SACS: variants seen among roughly 807,000 people sequenced by gnomAD.
The protein encoded by SACS is sacsin molecular chaperone.
A neutral mutation model predicts 348.0 loss-of-function variants in SACS; 197 were observed. The observed-to-expected ratio is 0.57, with a 90% CI of 0.50 to 0.64. The LOEUF (loss-of-function observed/expected upper bound fraction) is 0.64, where lower values mean the gene tolerates loss of function less well. Among genes scored for constraint, SACS ranks in the 30% least tolerant of loss-of-function variants. The probability of loss-of-function intolerance (pLI) is 0.00; values close to 1 mark genes in which losing one functional copy is unlikely to be tolerated. For synonymous variants in SACS, 1,985 were observed against 1,910.6 expected, an observed-to-expected ratio of 1.04 and a Z score of -1.02; for missense variants, 4,999 against 5,360.8, an observed-to-expected ratio of 0.93 and a Z score of 2.11.
chr13:23,401,719 T>C (rs1837713165), intron 2 of SACS, among the ~76,000 whole-genome samples: 1 of 152,254 alleles, frequency 6.6e-6, no homozygotes, highest in African/African-American at 2.4e-5. Context: ...TTTGTTTTAC[T>C]TTCTACTGTG....
intron 1 of SACS, among the ~76,000 whole-genome samples, chr13:23,416,168 G>A (rs551531337): frequency 1.3e-5 from 2 of 152,164 alleles, no homozygotes; most frequent in East Asian, 3.9e-4. Flanking sequence ...TGTAATCCCA[G>A]CTACTTGGGA....
At chr13:23,351,332 T>A (rs1183552252) in intron 9 of SACS, among the ~76,000 whole-genome samples, 2 of 152,212 alleles carry the variant, frequency 1.3e-5, no homozygotes, top group East Asian at 3.8e-4. Flanking sequence ...TTTGGCTGTG[T>A]CCCCACCCAA....
At position 23,399,168 on chromosome 13, in the gene SACS, G is replaced by A. The variant is rs1354770169; in HGVS notation, c.20+12052C>T. ...AAACGGCATCAGCCTGATGGCTAAG[G>A]TCAGCATGACCATAAACCACAAATA... On this transcript the variant is annotated intron_variant, in intron 2 of 9. Coordinates refer to ENST00000382292, the MANE Select transcript of SACS (RefSeq NM_014363.6). 2.6e-5 allele frequency among the ~76,000 whole-genome samples: 4 copies of A among 152,180 alleles called. 1 individual carries two copies. Among genetic ancestry groups the A allele is most frequent in the Admixed American group, 2.6e-4 (4 of 15,292 alleles).
Position 23,329,919 on chromosome 13 carries a change from T to C in SACS, c.*217A>G, listed in dbSNP as rs1883358688. 1.7e-6 allele frequency: 1 copy of C among 573,914 alleles called. No individual in the cohort carries two copies. The highest frequency in any genetic ancestry group is 3.1e-6 in the Non-Finnish European group (1 of 323,472). 35.6% of individuals were successfully genotyped at this position (573,914 alleles called of 1,614,324 possible). ...CCAATCATTCAAATCCATCCAGCTA[T>C]TTTGCAGCTCACCACCATCTTCAAA... On this transcript the variant is annotated 3_prime_UTR_variant, in exon 10 of 10. Transcript: ENST00000382292.
chr13:23,362,245 T>G (rs1870783274), intron 6 of SACS, among the ~76,000 whole-genome samples: 1 of 152,192 alleles, frequency 6.6e-6, no homozygotes, highest in Non-Finnish European at 1.5e-5. Context: ...CCGTGCTTCC[T>G]TCCCCTGTGT....
chr13:23,393,333 G>A (rs2137903350), intron 2 of SACS, among the ~76,000 whole-genome samples: 1 of 152,318 alleles, frequency 6.6e-6, no homozygotes, highest in African/African-American at 2.4e-5. Context: ...ATGAACTCCT[G>A]AAACCTAGGA....
rs1327555974 is a variant in SACS, at chr13:23,335,036, G to A, written c.8840C>T (p.Thr2947Ile). Residue 2947 changes from threonine to isoleucine, a missense_variant, in exon 10 of 10, where the codon ACC becomes ATC. Physicochemically the swap from Thr to Ile is moderately conservative, Grantham distance 89. Transcript: ENST00000382292. The surrounding 1 kb of genome is among the most constrained non-coding windows in gnomAD (Gnocchi z 4.7). ...SDPTLSVLQNTPIHVVKDTLK... is the reference protein window; with the variant it reads ...SDPTLSVLQNIPIHVVKDTLK... ...AGTGTCCTTTACAACATGAATAGGG[G>A]TGTTCTGTAACACTGATAATGTTGG... The A allele has an allele frequency of 1.2e-6, 2 of 1,613,240 alleles. No homozygotes were observed. Among genetic ancestry groups the A allele is most frequent in the Non-Finnish European group, 8.5e-7 (1 of 1,179,482 alleles).
Position 23,338,830 on chromosome 13 carries a change from C to T in SACS, c.5046G>A (p.Arg1682=). The change falls in exon 10 of 10, where the codon AGG becomes AGA. Residue 1682 remains arginine, a synonymous_variant. Coordinates refer to ENST00000382292, the MANE Select transcript of SACS (RefSeq NM_014363.6). ...LVDEFSLCGH[R]LIIFTQSVKS... ...TTACACTCTGAGTGAAAATGATAAG[C>T]CTGTGTCCACAGAGACTAAATTCAT... 4 of 1,612,892 alleles carry T rather than the reference C, an allele frequency of 2.5e-6. No individual in the cohort carries two copies. Among genetic ancestry groups the T allele is most frequent in the Non-Finnish European group, 3.4e-6 (4 of 1,179,912 alleles).
chr13:23,410,685 CTT>C lies in SACS; in HGVS notation c.20+533_20+534del, dbSNP rs145584217. Among the ~76,000 whole-genome samples the C allele has an allele frequency of 2.0e-5, 3 of 150,982 alleles. 1 individual carries two copies. Among genetic ancestry groups the C allele is most frequent in the African/African-American group, 7.3e-5 (3 of 41,148 alleles). The stretch of plus-strand genomic sequence containing the variant: ...AGGAATAATTATATAAATATACATA[CTT>C]TTTTTTTGCACAAATCCTCAAGCTT... On this transcript the variant is annotated intron_variant, in intron 2 of 9. Coordinates refer to ENST00000382292, the MANE Select transcript of SACS (RefSeq NM_014363.6).
At chr13:23,386,771 T>A (rs147965409) in intron 2 of SACS, among the ~76,000 whole-genome samples, 1 of 152,190 alleles carries the variant, frequency 6.6e-6, no homozygotes, top group Admixed American at 6.5e-5. Flanking sequence ...GACTTGCAAC[T>A]CTTCCTTTCA....
Position 23,335,372 on chromosome 13 carries a change from C to T in SACS, c.8504G>A (p.Ser2835Asn), listed in dbSNP as rs1382975968. ...GFSSMEKVSK[S>N]VISAHKNQDI... ...TTGGTTCTTGTGAGCTGATATGACACTTTTAGATACTTTCTCCATACTTGA... is the reference window on the plus strand; with the variant it reads ...TTGGTTCTTGTGAGCTGATATGACATTTTTAGATACTTTCTCCATACTTGA... The change falls in exon 10 of 10, where the codon AGT (serine) becomes AAT (asparagine). Residue 2835 changes from serine (S) to asparagine (N), a missense_variant. Around this residue, in one of 6 missense-constraint regions of SACS, gnomAD observed 3,156 missense variants for 3,380.1 expected, o/e 0.93. Transcript: ENST00000382292. This position sits in a 1 kb window ranked among gnomAD's most constrained non-coding sequence, Gnocchi z 4.7. 1.2e-6 allele frequency: 2 copies of T among 1,613,774 alleles called. No homozygotes were observed. The highest frequency in any genetic ancestry group is 2.7e-5 in the African/African-American group (2 of 74,914).
chr13:23,336,271 G>A lies in SACS; in HGVS notation c.7605C>T (p.Ile2535=). ...CCTTTTCAGAAGGATATGCATTAAGGATGCTCTTAATTCTGCTGGTCAATT... is the reference window on the plus strand; with the variant it reads ...CCTTTTCAGAAGGATATGCATTAAGAATGCTCTTAATTCTGCTGGTCAATT... ...KEKLTSRIKS[I]LNAYPSEKEM... The change falls in exon 10 of 10, where the codon ATC becomes ATT. Residue 2535 remains isoleucine, a synonymous_variant. Transcript: ENST00000382292. 1 of 1,614,066 alleles carries A rather than the reference G, an allele frequency of 6.2e-7. No homozygotes were observed. The highest frequency in any genetic ancestry group is 2.2e-5 in the East Asian group (1 of 44,884).
At chr13:23,421,970 T>G (rs1390455899) in intron 1 of SACS, among the ~76,000 whole-genome samples, 1 of 152,094 alleles carries the variant, frequency 6.6e-6, no homozygotes, top group South Asian at 2.1e-4. Context: ...ATGCCTGATA[T>G]CCATCTGGGG....
At chr13:23,388,437 T>TAC (rs71100175) in intron 2 of SACS, among the ~76,000 whole-genome samples, 2 of 146,100 alleles carry the variant, frequency 1.4e-5, no homozygotes, top group African/African-American at 5.0e-5. Context: ...TATATATATA[T>TAC]GGTACATATA....
Position 23,332,148 on chromosome 13 carries a change from G to C in SACS, c.11728C>G (p.Pro3910Ala). 1 of 1,613,940 alleles carries C rather than the reference G, an allele frequency of 6.2e-7. No homozygotes were observed. Among genetic ancestry groups the C allele is most frequent in the Non-Finnish European group, 8.5e-7 (1 of 1,179,934 alleles). The part of the protein sequence containing the change: ...ENVRDLALYL[P>A]SQDGRLVKSS... ...TTTACCAATCTACCATCCTGGCTTG[G>C]GAGGTAAAGCGCAAGGTCTCGTACA... Residue 3910 changes from proline (P) to alanine (A), a missense_variant, in exon 10 of 10, where the codon CCA (proline) becomes GCA (alanine). By Grantham distance (27) the Pro-to-Ala change is conservative. This residue lies in a region of SACS where 831 missense variants were observed against 941.8 expected (regional missense o/e 0.88). Coordinates refer to ENST00000382292, the MANE Select transcript of SACS (RefSeq NM_014363.6).
Position 23,333,996 on chromosome 13 carries a change from CA to C in SACS, c.9879del (p.Val3294TrpfsTer31), listed in dbSNP as rs2137580025. ...AGCAGAACATCTCCTTCAGGAACCA[CA>C]AGCTGGTTGGCTGAAACAGTAAACT... The part of the protein sequence containing the change: ...GTKFTVSANQ[L>X]VVPEGDVLLP... On this transcript the variant is annotated frameshift_variant, in exon 10 of 10. Transcript: ENST00000382292. LOFTEE classifies it high-confidence loss of function. 1 of 1,613,902 alleles carries C rather than the reference CA, an allele frequency of 6.2e-7. No individual in the cohort carries two copies.
Position 23,334,894 on chromosome 13 carries a change from A to G in SACS, c.8982T>C (p.Pro2994=). ...CIHEDMKRLL[P]VVRAPNIDGS... Reference sequence around the variant, plus strand: ...CATCAATATTTGGAGCCCGCACAACAGGTAAAAGACGTTTCATGTCTTCGT... The same window carrying G: ...CATCAATATTTGGAGCCCGCACAACGGGTAAAAGACGTTTCATGTCTTCGT... Residue 2994 remains proline (P), a synonymous_variant, in exon 10 of 10, where the codon CCT becomes CCC. Coordinates refer to ENST00000382292, the MANE Select transcript of SACS (RefSeq NM_014363.6). The G allele has an allele frequency of 6.2e-7, 1 of 1,613,884 alleles. No homozygotes were observed. Among genetic ancestry groups the G allele is most frequent in the Non-Finnish European group, 8.5e-7 (1 of 1,179,844 alleles).
In SACS at chr13:23,332,084, T is replaced by C. The variant is rs764554878; in HGVS notation, c.11792A>G (p.Lys3931Arg). 2.5e-6 allele frequency: 4 copies of C among 1,614,056 alleles called. No individual in the cohort carries two copies. The highest frequency in any genetic ancestry group is 1.6e-4 in the Middle Eastern group (1 of 6,062). Reference protein sequence around the residue: ...ILVFDDAPHYKSRIQGNIGVQ... With the variant: ...ILVFDDAPHYRSRIQGNIGVQ... The stretch of plus-strand genomic sequence containing the variant: ...ACCAATATTCCCCTGGATTCTACTT[T>C]TATAATGTGGCGCATCGTCAAACAC... The change falls in exon 10 of 10, where the codon AAA becomes AGA. Residue 3931 changes from lysine (K) to arginine (R), a missense_variant. Physicochemically the swap from Lys to Arg is conservative, Grantham distance 26 (BLOSUM62 2). Coordinates refer to ENST00000382292, the MANE Select transcript of SACS (RefSeq NM_014363.6).
At chr13:23,369,861 C>CTT (rs879508762) in intron 4 of SACS, among the ~76,000 whole-genome samples, 2 of 136,204 alleles carry the variant, frequency 1.5e-5, no homozygotes. Context: ...ACTCACACTT[C>CTT]TTTTTTTTTT....
Sources: allele counts gnomAD v4.1 joint callset (sites outside exome capture counted in the v4.1 genomes callset), GRCh38; gene constraint gnomAD v4.1.1; regional missense constraint gnomAD v4.1.1; non-coding constraint Gnocchi (gnomAD v3.1); transcripts MANE v1.5; gene names NCBI Gene and HGNC (gene_info 2026-07-23, HGNC 2026-07-21).